The following OR10J1 variants were observed in gnomAD, a reference collection of about 807,000 sequenced individuals.
OR10J1 encodes olfactory receptor 10J1.
For synonymous variants in OR10J1, 202 were observed against 143.8 expected, an observed-to-expected ratio of 1.40 and a Z score of -2.89; for missense variants, 474 against 376.6, an observed-to-expected ratio of 1.26 and a Z score of -2.14.
At chr1:159,438,839 CCCTT>C (rs1655817109), upstream of OR10J1, among the ~76,000 whole-genome samples, 1 of 152,046 alleles carries the variant, frequency 6.6e-6, no homozygotes, top group South Asian at 2.1e-4. Flanking sequence ...TGAACTGATC[CCCTT>C]CCTTCAACAA....
chr1:159,407,378 A>G, the OR10J1 span, among the ~76,000 whole-genome samples: 1 of 152,072 alleles, frequency 6.6e-6, no homozygotes, highest in African/African-American at 2.4e-5. Context: ...TTATCTCTAA[A>G]ATGAGCTTAA....
At chr1:159,414,965 G>A in the OR10J1 span, among the ~76,000 whole-genome samples, 3 of 151,926 alleles carry the variant, frequency 2.0e-5, no homozygotes, top group Non-Finnish European at 4.4e-5. Flanking sequence ...TGTATATTCT[G>A]GATATTAGTC....
At chr1:159,400,137 G>A in the OR10J1 span, among the ~76,000 whole-genome samples, 1 of 151,526 alleles carries the variant, frequency 6.6e-6, no homozygotes, top group East Asian at 1.9e-4. Flanking sequence ...AAGACAACCT[G>A]GAAACAACAA....
At chr1:159,404,503 T>C in the OR10J1 span, among the ~76,000 whole-genome samples, 9,946 of 152,092 alleles carry the variant, frequency 0.065, 709 homozygotes, top group East Asian at 0.42. Context: ...TCAAACATCA[T>C]AGGTTTGTGA....
upstream of OR10J1, chr1:159,439,663 A>G (rs1490405044): frequency 8.9e-7 from 1 of 1,120,970 alleles, no homozygotes; most frequent in East Asian, 2.4e-5. Flanking sequence ...TTAATCCACT[A>G]GGAAATACAT....
the OR10J1 span, among the ~76,000 whole-genome samples, chr1:159,404,350 G>C: frequency 2.6e-5 from 4 of 152,032 alleles, 1 homozygote; most frequent in Non-Finnish European, 5.9e-5. Context: ...AATGAATATA[G>C]ACTCCGGGAA....
At chr1:159,418,795 T>A in the OR10J1 span, among the ~76,000 whole-genome samples, 1 of 152,154 alleles carries the variant, frequency 6.6e-6, no homozygotes, top group South Asian at 2.1e-4. Context: ...CACCAGCACG[T>A]GAAAACAGCT....
chr1:159,425,217 T>C, the OR10J1 span, among the ~76,000 whole-genome samples: 2 of 152,138 alleles, frequency 1.3e-5, no homozygotes, highest in African/African-American at 4.8e-5. Flanking sequence ...AGATAGTTAT[T>C]GAAGAGGTTC....
the OR10J1 span, among the ~76,000 whole-genome samples, chr1:159,402,988 G>C: frequency 6.6e-6 from 1 of 151,742 alleles, no homozygotes; most frequent in African/African-American, 2.4e-5. Context: ...TTAAACAAAG[G>C]TACCTAGAAC....
chr1:159,438,937 C>A (rs1335649842), upstream of OR10J1, among the ~76,000 whole-genome samples: 3 of 152,120 alleles, frequency 2.0e-5, no homozygotes, highest in Non-Finnish European at 4.4e-5. Flanking sequence ...TTTGCTGTAT[C>A]TTTCCTGATA....
chr1:159,399,570 C>CA, the OR10J1 span, among the ~76,000 whole-genome samples: 6,723 of 55,972 alleles, frequency 0.12, 574 homozygotes, highest in Middle Eastern at 0.24. Flanking sequence ...GATTCTGTCT[C>CA]AAAAAAAAAA....
At chr1:159,430,640 G>GGGGT in the OR10J1 span, among the ~76,000 whole-genome samples, 8 of 140,934 alleles carry the variant, frequency 5.7e-5, no homozygotes, top group African/African-American at 2.1e-4. Flanking sequence ...AAAAAATTAT[G>GGGGT]GTGTGTGTGT....
At chr1:159,401,558 T>TA in the OR10J1 span, among the ~76,000 whole-genome samples, 1 of 151,598 alleles carries the variant, frequency 6.6e-6, no homozygotes, top group South Asian at 2.1e-4. Context: ...CAAGAAGAAA[T>TA]AAAAAACCTG....
At chr1:159,430,640 G>GGTGTATATGT in the OR10J1 span, among the ~76,000 whole-genome samples, 2 of 140,934 alleles carry the variant, frequency 1.4e-5, no homozygotes, top group Admixed American at 1.4e-4. Flanking sequence ...AAAAAATTAT[G>GGTGTATATGT]GTGTGTGTGT....
the OR10J1 span, among the ~76,000 whole-genome samples, chr1:159,427,960 A>G: frequency 6.6e-6 from 1 of 152,184 alleles, no homozygotes; most frequent in Non-Finnish European, 1.5e-5. Flanking sequence ...GATTATGTCA[A>G]TGAATGCAGA....
At position 159,440,633 on chromosome 1, in the gene OR10J1, C is replaced by T; in HGVS notation, c.842C>T (p.Thr281Ile). ...ATCTCGGTGACCTACACTGTCATCA[C>T]TCCCCTACTGAACCCTGTGGTATAC... Reference protein sequence around the residue: ...QLISVTYTVITPLLNPVVYTL... With the variant: ...QLISVTYTVIIPLLNPVVYTL... Residue 281 changes from threonine to isoleucine, a missense_variant, in exon 1 of 1, where the codon ACT (threonine) becomes ATT (isoleucine). By Grantham distance (89) the Thr-to-Ile change is moderately conservative (BLOSUM62 -1). Transcript: ENST00000423932. 1 of 1,613,902 alleles carries T rather than the reference C, an allele frequency of 6.2e-7. No homozygotes were observed. Among genetic ancestry groups the T allele is most frequent in the Non-Finnish European group, 8.5e-7 (1 of 1,179,966 alleles).
the OR10J1 span, among the ~76,000 whole-genome samples, chr1:159,399,591 A>G: frequency 6.4e-4 from 97 of 150,752 alleles, 1 homozygote; most frequent in East Asian, 1.7e-3. Flanking sequence ...AAAAAAAAAA[A>G]AAAGAAAGAA....
the OR10J1 span, among the ~76,000 whole-genome samples, chr1:159,412,815 A>G: frequency 3.3e-5 from 5 of 151,770 alleles, no homozygotes; most frequent in Non-Finnish European, 7.4e-5. Context: ...AGCAATGGCA[A>G]CAAAAGACAA....
the OR10J1 span, among the ~76,000 whole-genome samples, chr1:159,414,591 T>A: frequency 1.1e-4 from 17 of 152,076 alleles, no homozygotes; most frequent in African/African-American, 2.4e-5. Flanking sequence ...ATTTCCTTTC[T>A]TTTGAACATA....
Sources: gnomAD v4.1 joint callset for allele counts (sites outside exome capture counted in the v4.1 genomes callset) on GRCh38, gnomAD v4.1.1 for gene constraint, MANE v1.5 for transcripts, NCBI Gene and HGNC (gene_info 2026-07-23, HGNC 2026-07-21) for gene names.